The following REC114 variants were observed in gnomAD, a reference collection of about 807,000 sequenced individuals.
REC114 encodes meiotic recombination protein REC114.
REC114 carries 27 observed loss-of-function variants against 31.3 expected under a neutral mutation model. The observed-to-expected ratio is 0.86, with a 90% CI of 0.64 to 1.19. The LOEUF is 1.19. Among genes scored for constraint, REC114 ranks in the 50% most tolerant of loss-of-function variants. REC114 has a pLI of 0.00. For missense variants in REC114, 344 were observed against 326.9 expected (o/e 1.05, Z -0.40); for synonymous variants, 134 against 127.7 (o/e 1.05, Z -0.33).
At chr15:73,527,998 C>T (rs1894028585) in intron 2 of REC114, among the ~76,000 whole-genome samples, 1 of 152,082 alleles carries the variant, frequency 6.6e-6, no homozygotes, top group Non-Finnish European at 1.5e-5. Context: ...ATGTAAAGAT[C>T]AGTAACTGCA....
rs556542905 is a variant in REC114 at position 73,449,692 on chromosome 15, C to T, written c.159+6348C>T. On this transcript the variant is annotated intron_variant, in intron 1 of 5. Transcript: ENST00000331090. ...GAAGGGCAACCCTAAGACATATAATCGTCAGATACACACCAAGGTTGAAAT... is the reference window on the plus strand; with the variant it reads ...GAAGGGCAACCCTAAGACATATAATTGTCAGATACACACCAAGGTTGAAAT... Among the ~76,000 whole-genome samples the T allele has an allele frequency of 2.3e-4, 35 of 151,962 alleles. 1 individual carries two copies. Among genetic ancestry groups the T allele is most frequent in the African/African-American group, 6.3e-4 (26 of 41,370 alleles).
chr15:73,476,187 A>G (rs773776929), intron 2 of REC114, among the ~76,000 whole-genome samples: 5 of 152,244 alleles, frequency 3.3e-5, no homozygotes, highest in Non-Finnish European at 7.3e-5. Flanking sequence ...GACTATACAT[A>G]TATAACTTAA....
chr15:73,551,616 C>T (rs918255767), intron 4 of REC114, among the ~76,000 whole-genome samples: 2 of 152,088 alleles, frequency 1.3e-5, no homozygotes, highest in South Asian at 4.1e-4. Flanking sequence ...AACAAACTAA[C>T]GAAATAACCC....
intron 2 of REC114, among the ~76,000 whole-genome samples, chr15:73,537,320 A>C (rs527806573): frequency 6.6e-6 from 1 of 152,274 alleles, no homozygotes; most frequent in African/African-American, 2.4e-5. Context: ...AATTAGGGGG[A>C]AGAGGCAGAA....
chr15:73,492,152 A>G lies in REC114; in HGVS notation c.249+18231A>G, dbSNP rs184352309. Among the ~76,000 whole-genome samples the G allele has an allele frequency of 4.5e-4, 68 of 152,236 alleles. 1 individual carries two copies. The highest frequency in any genetic ancestry group is 2.6e-3 in the Admixed American group (40 of 15,292). ...TCAGTATCCCAGAAACCTTTCTCAT[A>G]TTCCCTTCCAGTGACTACTACACAC... is the stretch of plus-strand genomic sequence containing the variant. On this transcript the variant is annotated intron_variant, in intron 2 of 5. Transcript: ENST00000331090.
intron 2 of REC114, among the ~76,000 whole-genome samples, chr15:73,491,022 C>T (rs1331153120): frequency 1.3e-5 from 2 of 152,112 alleles, no homozygotes; most frequent in Non-Finnish European, 2.9e-5. Flanking sequence ...TAAAGAAGAA[C>T]ATCGTACATG....
At chr15:73,522,873 G>A (rs1454186297) in intron 2 of REC114, among the ~76,000 whole-genome samples, 1 of 152,170 alleles carries the variant, frequency 6.6e-6, no homozygotes, top group African/African-American at 2.4e-5. Context: ...CAAAGTGGTT[G>A]TACCATTGTA....
chr15:73,490,317 A>G (rs2141302194), intron 2 of REC114, among the ~76,000 whole-genome samples: 1 of 152,138 alleles, frequency 6.6e-6, no homozygotes, highest in Non-Finnish European at 1.5e-5. Context: ...TCTCTATAGA[A>G]TAAGAATATT....
At chr15:73,527,266 C>T (rs778413158) in intron 2 of REC114, among the ~76,000 whole-genome samples, 1 of 152,182 alleles carries the variant, frequency 6.6e-6, no homozygotes, top group Non-Finnish European at 1.5e-5. Flanking sequence ...TGTTCTTGCT[C>T]AGTCTTATGG....
chr15:73,485,982 C>T (rs1018092788), intron 2 of REC114, among the ~76,000 whole-genome samples: 2 of 152,198 alleles, frequency 1.3e-5, no homozygotes, highest in Non-Finnish European at 2.9e-5. Flanking sequence ...TTTTACTGTT[C>T]TACGTTTATA....
intron 3 of REC114, among the ~76,000 whole-genome samples, chr15:73,542,558 C>T (rs1273854954): frequency 1.3e-5 from 2 of 152,012 alleles, no homozygotes; most frequent in South Asian, 2.1e-4. Flanking sequence ...TATAGCTCTC[C>T]ACCACCCACA....
At chr15:73,480,263 C>G (rs1397745403) in intron 2 of REC114, among the ~76,000 whole-genome samples, 1 of 151,742 alleles carries the variant, frequency 6.6e-6, no homozygotes, top group African/African-American at 2.4e-5. Context: ...AGGTCTTTTG[C>G]TAATTTTTTT....
chr15:73,513,819 C>T lies in REC114; in HGVS notation c.250-26666C>T, dbSNP rs1423919922. Among the ~76,000 whole-genome samples the T allele has an allele frequency of 9.2e-5, 14 of 151,632 alleles. No homozygotes were observed. The South Asian group carries it at 1.3e-3, about 14-fold the overall frequency. On this transcript the variant is annotated intron_variant, in intron 2 of 5. Coordinates refer to ENST00000331090, the MANE Select transcript of REC114 (RefSeq NM_001042367.2). ...CTGCCGGTTCTCAGATCTCCAGCTG[C>T]GTGCTGGGAGAACCACTGCTCTCTT... is the stretch of plus-strand genomic sequence containing the variant.
chr15:73,482,460 G>A (rs1403537509), intron 2 of REC114, among the ~76,000 whole-genome samples: 1 of 152,210 alleles, frequency 6.6e-6, no homozygotes, highest in Non-Finnish European at 1.5e-5. Flanking sequence ...AAGCTGAGTA[G>A]ATGGTGGTGC....
At chr15:73,538,455 CTTTTTT>C (rs34642401) in intron 2 of REC114, among the ~76,000 whole-genome samples, 1 of 124,110 alleles carries the variant, frequency 8.1e-6, no homozygotes. Context: ...AATTCTATTT[CTTTTTT>C]TTTTTTTTTT....
intron 2 of REC114, among the ~76,000 whole-genome samples, chr15:73,524,749 C>CA (rs1259765470): frequency 6.6e-6 from 1 of 152,084 alleles, no homozygotes; most frequent in African/African-American, 2.4e-5. Flanking sequence ...AGGCACCCAC[C>CA]ACCATGCTAG....
intron 3 of REC114, among the ~76,000 whole-genome samples, chr15:73,550,123 G>A (rs1236625717): frequency 3.3e-5 from 5 of 152,252 alleles, no homozygotes; most frequent in Non-Finnish European, 5.9e-5. Context: ...TCCTGTTTCG[G>A]GAGGCTTTTA....
At chr15:73,525,061 G>C (rs1217221296) in intron 2 of REC114, among the ~76,000 whole-genome samples, 1 of 152,224 alleles carries the variant, frequency 6.6e-6, no homozygotes, top group Non-Finnish European at 1.5e-5. Flanking sequence ...GGTCCAGTCA[G>C]AGGAGATGTG....
At chr15:73,527,767 G>A (rs1894026227) in intron 2 of REC114, among the ~76,000 whole-genome samples, 1 of 152,114 alleles carries the variant, frequency 6.6e-6, no homozygotes, top group South Asian at 2.1e-4. Context: ...AAAGACCCAT[G>A]GATAACATCT....
Sources: allele counts gnomAD v4.1 joint callset (sites outside exome capture counted in the v4.1 genomes callset), GRCh38; gene constraint gnomAD v4.1.1; transcripts MANE v1.5; gene names NCBI Gene and HGNC (gene_info 2026-07-23, HGNC 2026-07-21).